Variants in KCNN2 observed in about 807,000 individuals in gnomAD.
KCNN2 encodes the protein small conductance calcium-activated potassium channel protein 2.
A neutral mutation model predicts 55.5 loss-of-function variants in KCNN2; 24 were observed. The ratio of observed to expected loss-of-function variants is 0.43; its 90% confidence interval spans 0.31 to 0.61. The LOEUF is 0.61. Among genes scored for constraint, KCNN2 ranks in the 20% least tolerant of loss-of-function variants. KCNN2 has a pLI of 0.08. For synonymous variants in KCNN2, 431 were observed against 336.1 expected (o/e 1.28, Z -3.09); for missense variants, 754 against 853.6 (o/e 0.88, Z 1.45).
chr5:114,068,760 C>G (rs927792048), intron 1 of KCNN2, among the ~76,000 whole-genome samples: 1 of 152,130 alleles, frequency 6.6e-6, no homozygotes, highest in African/African-American at 2.4e-5. Context: ...GGTCAAATTG[C>G]TTGCTTTTCT....
chr5:114,359,953 T>C (rs1757372035), upstream of KCNN2, among the ~76,000 whole-genome samples: 1 of 152,234 alleles, frequency 6.6e-6, no homozygotes, highest in Admixed American at 6.5e-5. Context: ...TTATGCAGTA[T>C]CTACTCAGCT....
At chr5:114,443,302 CAAAG>C (rs907131413) in intron 3 of KCNN2, among the ~76,000 whole-genome samples, 3 of 140,622 alleles carry the variant, frequency 2.1e-5, no homozygotes, top group Admixed American at 7.1e-5. Context: ...AAAAAAGAAA[CAAAG>C]AAAAAAGAAA....
chr5:114,250,506 T>A (rs573136284), intron 2 of KCNN2, among the ~76,000 whole-genome samples: 7 of 152,340 alleles, frequency 4.6e-5, no homozygotes, highest in African/African-American at 1.7e-4. Flanking sequence ...TCTGCTTTGA[T>A]GTGTCAGAAC....
chr5:114,135,791 C>A (rs1752163016), intron 1 of KCNN2, among the ~76,000 whole-genome samples: 2 of 152,128 alleles, frequency 1.3e-5, no homozygotes, highest in African/African-American at 4.8e-5. Context: ...TATTAATATT[C>A]TCAGAGATAA....
chr5:114,452,804 C>T (rs1334677829), intron 3 of KCNN2, among the ~76,000 whole-genome samples: 3 of 152,292 alleles, frequency 2.0e-5, no homozygotes, highest in Admixed American at 1.3e-4. Flanking sequence ...GTAAGAGACA[C>T]GTTAGCTCTT....
intron 1 of KCNN2, among the ~76,000 whole-genome samples, chr5:114,202,752 AATTTTTTGT>A (rs1291951912): frequency 6.6e-6 from 1 of 151,116 alleles, no homozygotes; most frequent in African/African-American, 2.4e-5. Context: ...ACGCCTGGCT[AATTTTTTGT>A]ATTTTTAGTA....
chr5:114,085,871 G>C (rs560975867), intron 1 of KCNN2, among the ~76,000 whole-genome samples: 1 of 152,060 alleles, frequency 6.6e-6, no homozygotes, highest in South Asian at 2.1e-4. Context: ...CCTTTTTTAA[G>C]TTCTGTTCAT....
intron 1 of KCNN2, among the ~76,000 whole-genome samples, chr5:114,135,057 A>G (rs2112617635): frequency 6.6e-6 from 1 of 152,352 alleles, no homozygotes; most frequent in East Asian, 1.9e-4. Flanking sequence ...GATGGAGATG[A>G]AAAGGAAAGG....
intron 1 of KCNN2, among the ~76,000 whole-genome samples, chr5:114,118,562 C>T (rs1429940195): frequency 6.6e-6 from 1 of 151,926 alleles, no homozygotes; most frequent in Non-Finnish European, 1.5e-5. Flanking sequence ...AAGACAGATG[C>T]CTTCTTCCTC....
chr5:114,459,848 T>C lies in KCNN2; in HGVS notation c.1638-3201T>C, dbSNP rs539930226. ...GATGCAATGTAATGCGAACAGCATA[T>C]AGTAAATATTAATTGAGTGATTTAA... is the stretch of plus-strand genomic sequence containing the variant. On this transcript the variant is annotated intron_variant, in intron 3 of 7. Transcript: ENST00000673685. Among the ~76,000 whole-genome samples the C allele has an allele frequency of 7.2e-5, 11 of 152,310 alleles. No individual in the cohort carries two copies. The South Asian group carries it at 2.3e-3, about 32-fold the overall frequency.
Position 114,404,415 on chromosome 5 carries a change from G to C in KCNN2, c.1219-23G>C, listed in dbSNP as rs767249219. The C allele has an allele frequency of 6.9e-6, 11 of 1,598,130 alleles. No homozygotes were observed. In the Admixed American group the frequency reaches 1.9e-4, roughly 27 times the overall value. ...GGACCATTCATGCCATACTGAAGCT[G>C]ATTTTCTACTTTATTTTTTCAGTTG... On this transcript the variant is annotated intron_variant, in intron 2 of 7. Coordinates refer to ENST00000673685, the MANE Select transcript of KCNN2 (RefSeq NM_021614.4).
At chr5:114,197,434 C>T (rs1364867631) in intron 1 of KCNN2, among the ~76,000 whole-genome samples, 1 of 152,104 alleles carries the variant, frequency 6.6e-6, no homozygotes, top group Admixed American at 6.6e-5. Context: ...TTGAAGTCTC[C>T]AATGATCATT....
chr5:114,104,689 A>G (rs1381212474), intron 1 of KCNN2, among the ~76,000 whole-genome samples: 1 of 152,114 alleles, frequency 6.6e-6, no homozygotes, highest in Non-Finnish European at 1.5e-5. Flanking sequence ...TGATAAAAGC[A>G]ACATGACTGG....
chr5:114,390,100 C>G (rs1428632126), intron 2 of KCNN2, among the ~76,000 whole-genome samples: 1 of 152,108 alleles, frequency 6.6e-6, no homozygotes, highest in Non-Finnish European at 1.5e-5. Context: ...CTTAAAATAA[C>G]TAAGGTGATG....
chr5:114,479,644 A>T (rs1762134759), intron 5 of KCNN2, among the ~76,000 whole-genome samples: 1 of 152,216 alleles, frequency 6.6e-6, no homozygotes. Context: ...AACACTCCTC[A>T]GCAAATGCAA....
intron 5 of KCNN2, among the ~76,000 whole-genome samples, chr5:114,484,433 C>A (rs1266621943): frequency 6.6e-6 from 1 of 152,102 alleles, no homozygotes; most frequent in African/African-American, 2.4e-5. Flanking sequence ...TGTATTCATG[C>A]AGCAAAATTG....
intron 2 of KCNN2, among the ~76,000 whole-genome samples, chr5:114,355,803 A>G (rs1261507455): frequency 6.6e-6 from 1 of 152,188 alleles, no homozygotes; most frequent in African/African-American, 2.4e-5. Context: ...ACCAAAAATT[A>G]GGAATCTACA....
chr5:114,454,222 G>T (rs926626450), intron 3 of KCNN2, among the ~76,000 whole-genome samples: 2 of 152,098 alleles, frequency 1.3e-5, no homozygotes, highest in Admixed American at 6.6e-5. Context: ...CATAGTTCAG[G>T]AGTCCTGTCC....
chr5:114,443,261 G>GTCTCTCT (rs1760284937), intron 3 of KCNN2, among the ~76,000 whole-genome samples: 1 of 150,932 alleles, frequency 6.6e-6, no homozygotes. Context: ...ACTGACTCCA[G>GTCTCTCT]CCTGGCGACA....
Sources: allele counts gnomAD v4.1 joint callset (sites outside exome capture counted in the v4.1 genomes callset), GRCh38; gene constraint gnomAD v4.1.1; transcripts MANE v1.5; gene names NCBI Gene and HGNC (gene_info 2026-07-23, HGNC 2026-07-21).